Variants in MCTP2 observed in about 807,000 individuals in gnomAD.
MCTP2 encodes the protein multiple C2 and transmembrane domain-containing protein 2.
MCTP2 carries 132 observed loss-of-function variants against 111.6 expected under a neutral mutation model. The ratio of observed to expected loss-of-function variants is 1.18; its 90% CI spans 1.03 to 1.37. The LOEUF is 1.37. Ranked by LOEUF, MCTP2 falls within the 40% of genes most tolerant of loss-of-function variation. The pLI is 0.00. For synonymous variants in MCTP2, 395 were observed against 387.7 expected (o/e 1.02, Z -0.22); for missense variants, 1,183 against 1,067.9 (o/e 1.11, Z -1.50).
At chr15:94,260,784 AACGGC>A (rs1434627487) in intron 1 of MCTP2, among the ~76,000 whole-genome samples, 1 of 152,166 alleles carries the variant, frequency 6.6e-6, no homozygotes, top group African/African-American at 2.4e-5. Context: ...CTTCTCAGCC[AACGGC>A]ATTCCAACGT....
intron 1 of MCTP2, among the ~76,000 whole-genome samples, chr15:94,269,121 C>T (rs978595902): frequency 1.3e-5 from 2 of 152,168 alleles, no homozygotes; most frequent in African/African-American, 2.4e-5. Flanking sequence ...CTTAGCACTT[C>T]GTGATATTTA....
At chr15:94,419,747 A>G (rs1245758433) in intron 17 of MCTP2, among the ~76,000 whole-genome samples, 1 of 145,252 alleles carries the variant, frequency 6.9e-6, no homozygotes, top group East Asian at 2.0e-4. Context: ...CACTTTGCAC[A>G]TACTGCTTAT....
At chr15:94,409,758 G>A (rs1249627819) in intron 17 of MCTP2, among the ~76,000 whole-genome samples, 1 of 151,620 alleles carries the variant, frequency 6.6e-6, no homozygotes, top group Non-Finnish European at 1.5e-5. Context: ...AAGCAGTGAT[G>A]GTTTCGAGTA....
At chr15:94,468,556 G>A (rs1406505825) in intron 20 of MCTP2, among the ~76,000 whole-genome samples, 1 of 151,966 alleles carries the variant, frequency 6.6e-6, no homozygotes, top group Non-Finnish European at 1.5e-5. Context: ...ATTCAAATTT[G>A]CTTATAATTT....
chr15:94,453,863 T>C (rs1026928417), intron 19 of MCTP2, among the ~76,000 whole-genome samples: 1 of 152,160 alleles, frequency 6.6e-6, no homozygotes, highest in Non-Finnish European at 1.5e-5. Flanking sequence ...TAAGAGGAAG[T>C]ATCCAAGAAA....
intron 17 of MCTP2, among the ~76,000 whole-genome samples, chr15:94,410,532 C>T (rs1028411115): frequency 4.0e-5 from 6 of 151,356 alleles, no homozygotes; most frequent in African/African-American, 7.3e-5. Flanking sequence ...AGAGTGAGAC[C>T]CCGTCTCAAA....
chr15:94,318,611 C>T (rs11634227), intron 4 of MCTP2, among the ~76,000 whole-genome samples: 83,476 of 151,938 alleles, frequency 0.55, 23,236 homozygotes, highest in East Asian at 0.62. Flanking sequence ...AGGCCCTGGA[C>T]CTCTTCTGTT....
chr15:94,338,611 T>C, intron 4 of MCTP2, among the ~76,000 whole-genome samples: 1 of 152,010 alleles, frequency 6.6e-6, no homozygotes, highest in Non-Finnish European at 1.5e-5. Context: ...TTTTGGCGTC[T>C]GTTTCAAAGC....
intron 17 of MCTP2, chr15:94,402,490 G>T (rs7178698): frequency 0.77 from 1,200,534 of 1,551,210 alleles, 469,994 homozygotes; most frequent in Middle Eastern, 0.82. Flanking sequence ...ATTCAGCACC[G>T]CAAAGAGGAA....
At chr15:94,352,457 A>C (rs1054992210) in intron 8 of MCTP2, among the ~76,000 whole-genome samples, 42 of 152,332 alleles carry the variant, frequency 2.8e-4, no homozygotes, top group African/African-American at 9.9e-4. Flanking sequence ...TGAATGAATC[A>C]ACATAGGAAT....
intron 14 of MCTP2, among the ~76,000 whole-genome samples, chr15:94,395,956 G>A (rs1441435432): frequency 1.3e-5 from 2 of 152,158 alleles, no homozygotes; most frequent in East Asian, 1.9e-4. Flanking sequence ...ACATGAAAGT[G>A]TCAATTTTCC....
rs528955563 is a variant in MCTP2, at chr15:94,278,896, G to A, written c.-65-19305G>A. ...AGCTCCCTCCACTATTATTGAATAG[G>A]GAGTCCTTTCTCCATTGCTTGTTAT... is the stretch of plus-strand genomic sequence containing the variant. On this transcript the variant is annotated intron_variant, in intron 1 of 22. Coordinates refer to ENST00000357742, the MANE Select transcript of MCTP2 (RefSeq NM_001385001.1). Among the ~76,000 whole-genome samples, 3 of 152,144 alleles carry A rather than the reference G, an allele frequency of 2.0e-5. No homozygotes were observed. In the South Asian group the frequency reaches 6.2e-4, roughly 32 times the overall value.
intron 17 of MCTP2, among the ~76,000 whole-genome samples, chr15:94,433,870 A>C (rs972864453): frequency 6.6e-6 from 1 of 152,072 alleles, no homozygotes; most frequent in Non-Finnish European, 1.5e-5. Flanking sequence ...ATATCTTCCT[A>C]TGTGTTTGTA....
rs780518369 is a variant in MCTP2, at chr15:94,298,424, T to C, written c.159T>C (p.Pro53=). ...HLDRRLSLSV[P]DLLEAEALAP... ...ACCGCCGTCTCAGCCTCTCTGTGCCTGATCTCCTGGAGGCTGAGGCCTTGG... is the reference window on the plus strand; with the variant it reads ...ACCGCCGTCTCAGCCTCTCTGTGCCCGATCTCCTGGAGGCTGAGGCCTTGG... Residue 53 remains proline (P), a synonymous_variant, in exon 2 of 23, where the codon CCT becomes CCC. Coordinates refer to ENST00000357742, the MANE Select transcript of MCTP2 (RefSeq NM_001385001.1). 8.1e-6 allele frequency: 13 copies of C among 1,614,102 alleles called. No individual in the cohort carries two copies. In the Admixed American group the frequency reaches 1.5e-4, roughly 19 times the overall value.
chr15:94,269,001 CAAT>C (rs1001793632), intron 1 of MCTP2, among the ~76,000 whole-genome samples: 17 of 152,222 alleles, frequency 1.1e-4, no homozygotes, highest in Non-Finnish European at 2.2e-4. Context: ...ATTGCTCCAA[CAAT>C]GTTAGTGTCT....
intron 1 of MCTP2, among the ~76,000 whole-genome samples, chr15:94,284,760 C>T (rs770334799): frequency 4.9e-4 from 74 of 152,106 alleles, no homozygotes; most frequent in Non-Finnish European, 9.0e-4. Flanking sequence ...AATGCATAGC[C>T]AGTGCTAAGA....
intron 17 of MCTP2, among the ~76,000 whole-genome samples, chr15:94,419,004 G>A (rs2082500048): frequency 6.6e-6 from 1 of 152,100 alleles, no homozygotes; most frequent in South Asian, 2.1e-4. Context: ...GAATGGATCA[G>A]CCATATTCTT....
At chr15:94,364,956 A>G (rs1329986112) in intron 10 of MCTP2, among the ~76,000 whole-genome samples, 1 of 152,170 alleles carries the variant, frequency 6.6e-6, no homozygotes, top group Non-Finnish European at 1.5e-5. Context: ...TCCTTCTTCC[A>G]GAATGTGGAA....
intron 4 of MCTP2, among the ~76,000 whole-genome samples, chr15:94,329,215 A>C (rs2077027406): frequency 6.6e-6 from 1 of 152,280 alleles, no homozygotes; most frequent in South Asian, 2.1e-4. Context: ...TGTAGTTCTG[A>C]AGCCTTTAGA....
Sources: gnomAD v4.1 joint callset for allele counts (sites outside exome capture counted in the v4.1 genomes callset) on GRCh38, gnomAD v4.1.1 for gene constraint, MANE v1.5 for transcripts, NCBI Gene and HGNC (gene_info 2026-07-23, HGNC 2026-07-21) for gene names.